Variants in LRRC56 observed in about 807,000 individuals in gnomAD.
LRRC56 encodes the protein leucine rich repeat containing 56, also known as leucine-rich repeat-containing protein 56.
A neutral mutation model predicts 47.8 loss-of-function variants in LRRC56; 41 were observed. The ratio of observed to expected loss-of-function variants is 0.86; its 90% CI spans 0.67 to 1.11. The LOEUF (loss-of-function observed/expected upper bound fraction) is 1.11, where lower values mean the gene tolerates loss of function less well. LRRC56 is among the 50% of genes most tolerant of loss of function. The pLI is 0.00. For missense variants in LRRC56, 759 were observed against 704.2 expected (o/e 1.08, Z -0.88); for synonymous variants, 387 against 311.2 (o/e 1.24, Z -2.56).
Position 552,673 on chromosome 11 carries a change from C to T in LRRC56, c.1286C>T (p.Thr429Ile). The change falls in exon 13 of 14, where the codon ACT (threonine) becomes ATT (isoleucine). Residue 429 changes from threonine to isoleucine, a missense_variant. By Grantham distance (89) the Thr-to-Ile change is moderately conservative. Transcript: ENST00000270115. ...CAAGTGCACCAGGCAGAGCCCAAGA[C>T]TCCCTCCAGCCCCCCAAGCCTGGCC... is the stretch of plus-strand genomic sequence containing the variant. ...EEQVHQAEPK[T>I]PSSPPSLASE... is the part of the protein sequence containing the mutation. 6.2e-7 allele frequency: 1 copy of T among 1,610,440 alleles called. No individual in the cohort carries two copies. The highest frequency in any genetic ancestry group is 1.1e-5 in the South Asian group (1 of 90,842).
At chr11:525,996 A>G in the LRRC56 span, among the ~76,000 whole-genome samples, 82 of 152,270 alleles carry the variant, frequency 5.4e-4, 1 homozygote, top group African/African-American at 1.9e-3. Context: ...ACCTGAGGTC[A>G]GGAGTTCAAG....
intron 6 of LRRC56, among the ~76,000 whole-genome samples, chr11:546,546 C>T (rs535719099): frequency 2.0e-5 from 3 of 149,520 alleles, no homozygotes; most frequent in Non-Finnish European, 3.0e-5. Flanking sequence ...CCAGCCTGGG[C>T]GACTGAGTGA....
chr11:546,832 C>G (rs1852106550), intron 6 of LRRC56, among the ~76,000 whole-genome samples: 1 of 151,930 alleles, frequency 6.6e-6, no homozygotes, highest in East Asian at 1.9e-4. Context: ...GCAGGCGGAT[C>G]ACGAGGTCAG....
the LRRC56 span, among the ~76,000 whole-genome samples, chr11:516,717 T>C: frequency 6.6e-6 from 1 of 152,196 alleles, no homozygotes; most frequent in South Asian, 2.1e-4. Context: ...AGCAGGAGGA[T>C]TCTGAGCAAC....
upstream of LRRC56, chr11:533,228 G>C (rs1851215011): frequency 4.1e-6 from 6 of 1,480,140 alleles, no homozygotes; most frequent in Admixed American, 9.9e-5. Context: ...CGTGAGCCCA[G>C]ACCCCGGCCC....
chr11:540,465 G>A (rs1039532593), intron 3 of LRRC56, among the ~76,000 whole-genome samples: 2 of 152,186 alleles, frequency 1.3e-5, no homozygotes, highest in Admixed American at 1.3e-4. Context: ...GGGGAGGGGA[G>A]CGTGAGGCCC....
chr11:552,274 C>T (rs772029880), intron 12 of LRRC56, 42 bp downstream of exon 12: 10 of 1,575,038 alleles, frequency 6.3e-6, no homozygotes, highest in African/African-American at 2.7e-5. Context: ...TGTCCTGTCC[C>T]GTGGGGAAAT....
the LRRC56 span, among the ~76,000 whole-genome samples, chr11:514,219 C>A: frequency 1.3e-5 from 2 of 151,802 alleles, no homozygotes; most frequent in South Asian, 4.2e-4. Flanking sequence ...GTCTCGAACT[C>A]CTGGCCTCAG....
chr11:551,950 C>T lies in LRRC56; in HGVS notation c.1021C>T (p.Arg341Cys), dbSNP rs941110846. Reference protein sequence around the residue: ...CGNPTKGLRERRHQCQAREPP... With the variant: ...CGNPTKGLRECRHQCQAREPP... ...GAACCCCACCAAGGGCCTGCGGGAG[C>T]GTAGGCACCAGTGCCAGGTACAGCC... Residue 341 changes from arginine to cysteine, a missense_variant, in exon 11 of 14, where the codon CGT becomes TGT. Physicochemically the swap from Arg to Cys is radical, Grantham distance 180 (BLOSUM62 -3). Coordinates refer to ENST00000270115, the MANE Select transcript of LRRC56 (RefSeq NM_198075.4). The T allele has an allele frequency of 3.7e-6, 6 of 1,612,704 alleles. No individual in the cohort carries two copies. Among genetic ancestry groups the T allele is most frequent in the East Asian group, 4.5e-5 (2 of 44,882 alleles).
At chr11:548,787 G>T (rs908112367) in intron 6 of LRRC56, among the ~76,000 whole-genome samples, 2 of 152,092 alleles carry the variant, frequency 1.3e-5, no homozygotes, top group Non-Finnish European at 2.9e-5. Context: ...CAGAAATAAC[G>T]AAGTGCTCCT....
At chr11:516,715 G>C in the LRRC56 span, among the ~76,000 whole-genome samples, 2 of 152,194 alleles carry the variant, frequency 1.3e-5, no homozygotes, top group African/African-American at 2.4e-5. Context: ...GAAGCAGGAG[G>C]ATTCTGAGCA....
At chr11:510,675 T>A in the LRRC56 span, among the ~76,000 whole-genome samples, 1 of 151,742 alleles carries the variant, frequency 6.6e-6, no homozygotes, top group South Asian at 2.1e-4. Context: ...GAGGCAGAGG[T>A]TCTGGTGAGC....
the LRRC56 span, among the ~76,000 whole-genome samples, chr11:521,690 A>G: frequency 6.6e-6 from 1 of 152,168 alleles, no homozygotes; most frequent in African/African-American, 2.4e-5. Flanking sequence ...CGAGGCGGGC[A>G]GATCACGAGG....
the LRRC56 span, among the ~76,000 whole-genome samples, chr11:514,563 G>A: frequency 2.6e-3 from 392 of 151,312 alleles, no homozygotes; most frequent in Non-Finnish European, 3.3e-3. Context: ...TTACAGGTGT[G>A]AGCCACTGTG....
At position 552,111 on chromosome 11, in the gene LRRC56, CT is replaced by C; in HGVS notation, c.1061del (p.Leu354ArgfsTer56). 1 of 1,611,436 alleles carries C rather than the reference CT, an allele frequency of 6.2e-7. No individual in the cohort carries two copies. The highest frequency in any genetic ancestry group is 1.3e-5 in the African/African-American group (1 of 75,034). On this transcript the variant is annotated frameshift_variant, in exon 12 of 14. Transcript: ENST00000270115. LOFTEE classifies it high-confidence loss of function. ...CCAGGCCAGGGAGCCCCCCGAGCAGCTGCCCCAACACAGGCCAGGAGATCCG... is the reference window on the plus strand; with the variant it reads ...CCAGGCCAGGGAGCCCCCCGAGCAGCGCCCCAACACAGGCCAGGAGATCCG... Reference protein sequence around the residue: ...QCQAREPPEQLPQHRPGDPAA... With the variant: ...QCQAREPPEQXPQHRPGDPAA...
the LRRC56 span, among the ~76,000 whole-genome samples, chr11:524,657 TA>T: frequency 1.3e-5 from 2 of 151,550 alleles, no homozygotes; most frequent in African/African-American, 4.8e-5. Context: ...TTAATTAAAA[TA>T]AAATAAAAAA....
intron 13 of LRRC56, among the ~76,000 whole-genome samples, chr11:553,705 G>A (rs1010101579): frequency 3.3e-5 from 5 of 152,212 alleles, no homozygotes; most frequent in African/African-American, 7.2e-5. Context: ...CCTTCTCAGG[G>A]ACAGGACACA....
intron 6 of LRRC56, among the ~76,000 whole-genome samples, chr11:548,767 T>G (rs1852214764): frequency 1.3e-5 from 2 of 151,990 alleles, no homozygotes; most frequent in South Asian, 4.1e-4. Flanking sequence ...CTCAAGTGGT[T>G]TTTTAAGGAC....
At chr11:533,081 G>A (rs932141658), upstream of LRRC56, among the ~76,000 whole-genome samples, 13 of 152,212 alleles carry the variant, frequency 8.5e-5, no homozygotes, top group African/African-American at 3.1e-4. Flanking sequence ...CTAAGACTCA[G>A]AACCAACAGG....
Sources: allele counts gnomAD v4.1 joint callset (sites outside exome capture counted in the v4.1 genomes callset), GRCh38; gene constraint gnomAD v4.1.1; transcripts MANE v1.5; gene names NCBI Gene and HGNC (gene_info 2026-07-23, HGNC 2026-07-21).